The following PHIP variants were observed in gnomAD, a reference collection of about 807,000 sequenced individuals.
PHIP encodes PH-interacting protein.
PHIP carries 54 observed loss-of-function variants against 236.8 expected under a neutral mutation model. The ratio of observed to expected loss-of-function variants is 0.23; its 90% CI spans 0.18 to 0.29. The LOEUF is 0.29. Ranked by LOEUF, PHIP falls within the 10% of genes least tolerant of loss-of-function variation. The pLI, the probability that PHIP is intolerant of heterozygous loss-of-function variation, is 1.00. For missense variants in PHIP, 1,370 were observed against 2,190.8 expected, an observed-to-expected ratio of 0.63 and a Z score of 7.48; for synonymous variants, 756 against 718.9, an observed-to-expected ratio of 1.05 and a Z score of -0.83.
At chr6:78,980,194 T>C (rs1768419043) in intron 23 of PHIP, among the ~76,000 whole-genome samples, 1 of 152,048 alleles carries the variant, frequency 6.6e-6, no homozygotes, top group Non-Finnish European at 1.5e-5. Context: ...AACACAGCCA[T>C]ACCCATTTAT....
intron 15 of PHIP, among the ~76,000 whole-genome samples, chr6:79,010,392 C>CTT (rs571412110): frequency 4.8e-5 from 7 of 146,928 alleles, no homozygotes; most frequent in Admixed American, 2.0e-4. Flanking sequence ...GACACTGGAA[C>CTT]TTTTTTTTTT....
At chr6:78,999,178 C>A (rs530442762) in intron 17 of PHIP, among the ~76,000 whole-genome samples, 1 of 152,294 alleles carries the variant, frequency 6.6e-6, no homozygotes, top group African/African-American at 2.4e-5. Flanking sequence ...TTTAATCCAT[C>A]CAAGTTTTCC....
At chr6:78,971,310 TA>T (rs1767533151) in intron 24 of PHIP, among the ~76,000 whole-genome samples, 3 of 152,262 alleles carry the variant, frequency 2.0e-5, no homozygotes, top group Admixed American at 2.0e-4. Flanking sequence ...CAAATCCTGG[TA>T]AGACAGCAGG....
chr6:78,965,840 A>G (rs1767090450), intron 28 of PHIP, 76 bp from the exon 29 acceptor site: 1 of 1,179,030 alleles, frequency 8.5e-7, no homozygotes, highest in Non-Finnish European at 1.2e-6. Context: ...AATTATCAAA[A>G]TAATTGCTTC....
chr6:78,971,727 A>G (rs1379573532), intron 24 of PHIP, among the ~76,000 whole-genome samples: 3 of 152,136 alleles, frequency 2.0e-5, no homozygotes, highest in African/African-American at 7.2e-5. Flanking sequence ...AAGCACAGGG[A>G]GTCAGGGAGT....
In PHIP at chr6:78,939,776, A is replaced by T. The variant is rs1773397173; in HGVS notation, c.*917T>A. 6.6e-6 allele frequency: 1 copy of T among 152,310 alleles called. No homozygotes were observed. Among genetic ancestry groups the T allele is most frequent in the Non-Finnish European group, 1.5e-5 (1 of 67,840 alleles). 9.4% of individuals were successfully genotyped at this position (152,310 alleles called of 1,614,324 possible). A position where few individuals can be genotyped will look rare whatever the true frequency, so the allele number is the denominator to read the frequency against. ...TTTCCTTGAATCCTTTAACCACTTA[A>T]ACATTTCCTCTAGAACATCTCTGTC... On this transcript the variant is annotated 3_prime_UTR_variant, in exon 40 of 40. Coordinates refer to ENST00000275034, the MANE Select transcript of PHIP (RefSeq NM_017934.7).
At position 78,935,652 on chromosome 6, in the gene PHIP, A is replaced by AATTAC. The variant is rs1457469294; in HGVS notation, c.*5036_*5040dup. The AATTAC allele has an allele frequency of 4.1e-6, 4 of 983,668 alleles. No homozygotes were observed. The African/African-American group carries it at 7.0e-5, about 17-fold the overall frequency. The allele number at this position is 983,668 out of a possible 1,614,324, so 60.9% of individuals were successfully genotyped here. ...TTGACCTTCAGTTGTTTTGGAATTA[A>AATTAC]ATTACATTTCGGCACCCAAATATCT... On this transcript the variant is annotated 3_prime_UTR_variant, in exon 40 of 40. Transcript: ENST00000275034.
intron 9 of PHIP, 66 bp from the exon 10 acceptor site, chr6:79,019,225 T>C: frequency 8.5e-7 from 1 of 1,175,064 alleles, no homozygotes; most frequent in East Asian, 2.3e-5. Context: ...AAATAATCTG[T>C]TTCAAAAAAT....
chr6:78,946,673 T>A (rs1193567316), intron 37 of PHIP, 38 bp downstream of exon 37: 1 of 1,502,156 alleles, frequency 6.7e-7, no homozygotes, highest in Non-Finnish European at 8.8e-7. Context: ...AGATGAAAGT[T>A]ATAGATCAGC....
rs868612835 is a variant in PHIP at position 79,067,339 on chromosome 6, C to T, written c.190-6521G>A. On this transcript the variant is annotated intron_variant, in intron 4 of 39. Coordinates refer to ENST00000275034, the MANE Select transcript of PHIP (RefSeq NM_017934.7). ...GTCAGAGCTTTTTCAAACTTATGTC[C>T]CTTCCACCTCCGTTCTCAGTTGAGT... Among the ~76,000 whole-genome samples the T allele has an allele frequency of 3.3e-5, 5 of 152,182 alleles. No homozygotes were observed. In the South Asian group the frequency reaches 1.0e-3, roughly 32 times the overall value.
rs143486913 is a variant in PHIP at position 79,039,363 on chromosome 6, T to C, written c.600+3480A>G. On this transcript the variant is annotated intron_variant, in intron 7 of 39. Transcript: ENST00000275034. ...ATTGCCTTTCCCTAAGTCTGCAATATCCAATTCGACTCCTAAATTTACCAA... is the reference window on the plus strand; with the variant it reads ...ATTGCCTTTCCCTAAGTCTGCAATACCCAATTCGACTCCTAAATTTACCAA... 3.9e-5 allele frequency among the ~76,000 whole-genome samples: 6 copies of C among 152,282 alleles called. No individual in the cohort carries two copies. The East Asian group carries it at 1.2e-3, about 29-fold the overall frequency.
chr6:79,017,339 AT>A lies in PHIP; in HGVS notation c.1136+6del. The A allele has an allele frequency of 1.4e-6, 2 of 1,458,990 alleles. No homozygotes were observed. The highest frequency in any genetic ancestry group is 1.3e-5 in the South Asian group (1 of 79,458). The allele number at this position is 1,458,990 out of a possible 1,614,324, so 90.4% of individuals were successfully genotyped here. A position where few individuals can be genotyped will look rare whatever the true frequency, so the allele number is the denominator to read the frequency against. On this transcript the variant is annotated splice_donor_region_variant and intron_variant, in intron 12 of 39. Coordinates refer to ENST00000275034, the MANE Select transcript of PHIP (RefSeq NM_017934.7). ...AAAATTAGAATTAAATTAGACAAAT[AT>A]TTTACCTGTTACTAGTGTTGGAAAA...
intron 4 of PHIP, among the ~76,000 whole-genome samples, chr6:79,065,931 A>C (rs927667508): frequency 2.0e-5 from 3 of 152,080 alleles, no homozygotes; most frequent in Non-Finnish European, 2.9e-5. Context: ...AGATATACAT[A>C]TGTGATTTTC....
intron 19 of PHIP, among the ~76,000 whole-genome samples, chr6:78,991,282 A>G (rs1227795946): frequency 6.6e-6 from 1 of 151,334 alleles, no homozygotes; most frequent in South Asian, 2.1e-4. Context: ...TCCTAGGGTA[A>G]TTTTTCCAAG....
At chr6:79,062,412 C>T (rs534423267) in intron 4 of PHIP, among the ~76,000 whole-genome samples, 3 of 152,246 alleles carry the variant, frequency 2.0e-5, no homozygotes, top group African/African-American at 7.2e-5. Context: ...AAATAATTTA[C>T]TCAAAAATAA....
chr6:78,946,470 G>A (rs763165243), intron 37 of PHIP: 166 of 1,399,820 alleles, frequency 1.2e-4, no homozygotes, highest in Non-Finnish European at 1.5e-4. Context: ...CGGAAAGCAT[G>A]ATGCCATCAC....
chr6:79,010,040 G>T (rs1267564154), intron 15 of PHIP, among the ~76,000 whole-genome samples: 1 of 148,064 alleles, frequency 6.8e-6, no homozygotes, highest in Non-Finnish European at 1.5e-5. Flanking sequence ...ACATTATCTT[G>T]TTAGATGATG....
chr6:79,065,153 A>G (rs1773564052), intron 4 of PHIP, among the ~76,000 whole-genome samples: 4 of 152,142 alleles, frequency 2.6e-5, no homozygotes, highest in Middle Eastern at 6.4e-3. Flanking sequence ...AACAGTCCAA[A>G]TAATCTTTGC....
At chr6:78,980,673 C>T (rs940808550) in intron 23 of PHIP, among the ~76,000 whole-genome samples, 6 of 151,874 alleles carry the variant, frequency 4.0e-5, no homozygotes, top group Admixed American at 1.3e-4. Flanking sequence ...ATAAAGTAGC[C>T]ATTATGTTAT....
Sources: gnomAD v4.1 joint callset for allele counts (sites outside exome capture counted in the v4.1 genomes callset) on GRCh38, gnomAD v4.1.1 for gene constraint, MANE v1.5 for transcripts, NCBI Gene and HGNC (gene_info 2026-07-23, HGNC 2026-07-21) for gene names.